The following ADAMTS20 variants were observed in gnomAD, a reference collection of about 807,000 sequenced individuals.
ADAMTS20 encodes A disintegrin and metalloproteinase with thrombospondin motifs 20.
A neutral mutation model predicts 260.1 loss-of-function variants in ADAMTS20; 225 were observed. The ratio of observed to expected loss-of-function variants is 0.87; its 90% CI spans 0.78 to 0.97. ADAMTS20 has a LOEUF of 0.97. Among genes scored for constraint, ADAMTS20 ranks in the 50% least tolerant of loss-of-function variants. ADAMTS20 has a pLI of 0.00. For synonymous variants in ADAMTS20, 802 were observed against 769.5 expected (o/e 1.04, Z -0.70); for missense variants, 2,400 against 2,337.7 (o/e 1.03, Z -0.55).
At chr12:43,423,900 G>A (rs1941281955) in intron 28 of ADAMTS20, 1 of 725,322 alleles carries the variant, frequency 1.4e-6, no homozygotes, top group Admixed American at 1.9e-5. Flanking sequence ...GTCCTTTGAG[G>A]CAGCAATTTC....
Position 43,551,621 on chromosome 12 carries a change from T to C in ADAMTS20, c.91+210A>G, listed in dbSNP as rs996801132. 6.6e-6 allele frequency among the ~76,000 whole-genome samples: 1 copy of C among 152,012 alleles called. No homozygotes were observed. The highest frequency in any genetic ancestry group is 1.9e-4 in the East Asian group (1 of 5,140). ...TGCCCCTTGCGCCCCCGCCGTGTGG[T>C]CCTGGGAGTGCGATGCGTCTTAGGC... On this transcript the variant is annotated intron_variant, in intron 1 of 38. Transcript: ENST00000389420. The surrounding 1 kb of genome is among the most constrained non-coding windows in gnomAD (Gnocchi z 4.6).
intron 11 of ADAMTS20, among the ~76,000 whole-genome samples, chr12:43,456,720 G>GTC (rs1370174044): frequency 2.0e-5 from 3 of 152,166 alleles, no homozygotes; most frequent in Non-Finnish European, 4.4e-5. Context: ...CTACTGCTGT[G>GTC]TCATTCCCTA....
At chr12:43,536,491 A>G (rs1287265873) in intron 2 of ADAMTS20, among the ~76,000 whole-genome samples, 2 of 141,506 alleles carry the variant, frequency 1.4e-5, no homozygotes, top group East Asian at 3.8e-4. Context: ...ATAATAGAAT[A>G]TGCAATAAGT....
intron 15 of ADAMTS20, among the ~76,000 whole-genome samples, chr12:43,444,937 T>C (rs1941733631): frequency 6.6e-6 from 1 of 152,184 alleles, no homozygotes; most frequent in Admixed American, 6.5e-5. Context: ...CGATAAGAAA[T>C]AGTTTCATGA....
At chr12:43,516,970 A>G (rs1261343156) in intron 3 of ADAMTS20, among the ~76,000 whole-genome samples, 1 of 152,054 alleles carries the variant, frequency 6.6e-6, no homozygotes, top group Non-Finnish European at 1.5e-5. Flanking sequence ...ATATCTATAT[A>G]ATCATCTTGG....
At chr12:43,392,104 T>G (rs1754700691) in intron 29 of ADAMTS20, among the ~76,000 whole-genome samples, 2 of 152,146 alleles carry the variant, frequency 1.3e-5, no homozygotes, top group South Asian at 4.1e-4. Flanking sequence ...ATATACAGTT[T>G]TTTGTGTAGA....
Position 43,356,517 on chromosome 12 carries a change from C to A in ADAMTS20, c.5610G>T (p.Gly1870=), listed in dbSNP as rs1418789851. 1 of 1,610,366 alleles carries A rather than the reference C, an allele frequency of 6.2e-7. No homozygotes were observed. Among genetic ancestry groups the A allele is most frequent in the African/African-American group, 1.3e-5 (1 of 74,826 alleles). ...ISSTAKWLTQ[G]SYTSVSIRRS... is the part of the protein sequence containing the mutation. ...TTCGTATGCTGACAGAGGTATAACT[C>A]CCCTGAGTGAGCCACTTTGCTGTGC... Residue 1870 remains glycine (G), a synonymous_variant, in exon 38 of 39, where the codon GGG becomes GGT. Transcript: ENST00000389420.
rs116030368 is a variant in ADAMTS20 at position 43,438,464 on chromosome 12, G to A, written c.2593+1158C>T. On this transcript the variant is annotated intron_variant, in intron 18 of 38. Transcript: ENST00000389420. ...TGTGTTTTCTACCTCTATTATCCCC[G>A]TCTATCTTGCATCATTTCCTTGTAT... is the stretch of plus-strand genomic sequence containing the variant. 2.9e-3 allele frequency among the ~76,000 whole-genome samples: 447 copies of A among 152,014 alleles called. 4 individuals carry two copies. The highest frequency in any genetic ancestry group is 9.5e-3 in the African/African-American group (392 of 41,442).
chr12:43,540,117 G>A (rs561190770), intron 2 of ADAMTS20, among the ~76,000 whole-genome samples: 327 of 152,094 alleles, frequency 2.1e-3, no homozygotes, highest in African/African-American at 7.4e-3. Context: ...CTCCTGATCC[G>A]CCTCAGCCTC....
At chr12:43,408,087 A>G (rs1162437188) in intron 28 of ADAMTS20, among the ~76,000 whole-genome samples, 1 of 152,206 alleles carries the variant, frequency 6.6e-6, no homozygotes, top group Non-Finnish European at 1.5e-5. Context: ...TAATATGAGA[A>G]CAATGCAAAT....
At chr12:43,541,416 G>A (rs1179658559) in intron 2 of ADAMTS20, among the ~76,000 whole-genome samples, 1 of 152,072 alleles carries the variant, frequency 6.6e-6, no homozygotes, top group Non-Finnish European at 1.5e-5. Flanking sequence ...ATTAATAATA[G>A]GAGCTTCAAT....
chr12:43,410,911 A>G (rs1047596979), intron 28 of ADAMTS20, among the ~76,000 whole-genome samples: 2 of 152,228 alleles, frequency 1.3e-5, no homozygotes, highest in African/African-American at 4.8e-5. Flanking sequence ...TTTCACTAGG[A>G]CACAATTGAA....
intron 3 of ADAMTS20, among the ~76,000 whole-genome samples, chr12:43,511,128 G>A (rs1359072887): frequency 2.6e-5 from 4 of 151,994 alleles, no homozygotes; most frequent in Admixed American, 2.0e-4. Context: ...CTCCTGCAGA[G>A]TCCTTGCCTC....
intron 37 of ADAMTS20, among the ~76,000 whole-genome samples, chr12:43,366,762 A>T (rs1243574998): frequency 6.6e-6 from 1 of 151,928 alleles, no homozygotes; most frequent in Non-Finnish European, 1.5e-5. Flanking sequence ...AAGGAAACAC[A>T]ACATACCAAA....
Position 43,521,669 on chromosome 12 carries a change from G to C in ADAMTS20, c.613+10367C>G, listed in dbSNP as rs1474990632. On this transcript the variant is annotated intron_variant, in intron 3 of 38. Coordinates refer to ENST00000389420, the MANE Select transcript of ADAMTS20 (RefSeq NM_025003.5). ...TTTTAAAGCAAATTATATAATATCT[G>C]TTTTAAAACATTTTTGATAATATCT... 3.9e-5 allele frequency among the ~76,000 whole-genome samples: 6 copies of C among 152,018 alleles called. No individual in the cohort carries two copies. The East Asian group carries it at 1.2e-3, about 29-fold the overall frequency.
chr12:43,463,011 C>T lies in ADAMTS20; in HGVS notation c.1510-12G>A, dbSNP rs760069149. ...TGCATGCATATATTCTCCTGAGTAA[C>T]AAAAGGCAGGCAAGCCAGTGTAAAG... On this transcript the variant is annotated splice_polypyrimidine_tract_variant and intron_variant, in intron 10 of 38. Transcript: ENST00000389420. The T allele has an allele frequency of 3.2e-6, 5 of 1,579,668 alleles. No individual in the cohort carries two copies. Among genetic ancestry groups the T allele is most frequent in the Non-Finnish European group, 4.3e-6 (5 of 1,160,616 alleles).
chr12:43,424,504 A>C (rs1238182153), intron 28 of ADAMTS20, among the ~76,000 whole-genome samples: 3 of 152,120 alleles, frequency 2.0e-5, no homozygotes, highest in Non-Finnish European at 4.4e-5. Flanking sequence ...TATGGAAGTA[A>C]ATTTCTCTAC....
intron 2 of ADAMTS20, among the ~76,000 whole-genome samples, chr12:43,544,273 A>G (rs1386222688): frequency 6.6e-6 from 1 of 152,256 alleles, no homozygotes; most frequent in Non-Finnish European, 1.5e-5. Flanking sequence ...AAGCACTTTA[A>G]CTAAAATTGG....
At chr12:43,471,583 C>G (rs1942262412) in intron 7 of ADAMTS20, among the ~76,000 whole-genome samples, 1 of 130,196 alleles carries the variant, frequency 7.7e-6, no homozygotes, top group East Asian at 2.4e-4. Flanking sequence ...CTTAAATGTC[C>G]CTGTCTGACA....
Sources: allele counts gnomAD v4.1 joint callset (sites outside exome capture counted in the v4.1 genomes callset), GRCh38; gene constraint gnomAD v4.1.1; non-coding constraint Gnocchi (gnomAD v3.1); transcripts MANE v1.5; gene names NCBI Gene and HGNC (gene_info 2026-07-23, HGNC 2026-07-21).